The following NUTM2B variants were observed in gnomAD, a reference collection of about 807,000 sequenced individuals.
NUTM2B encodes family with sequence similarity 22, member B.
Under a neutral mutation model 42.4 loss-of-function variants are expected in NUTM2B, and 2 were observed. The observed-to-expected ratio is 0.05, with a 90% confidence interval of 0.02 to 0.15. The LOEUF is 0.15. Among genes scored for constraint, NUTM2B ranks in the 10% least tolerant of loss-of-function variants. The pLI, the probability that NUTM2B is intolerant of heterozygous loss-of-function variation, is 1.00. For missense variants in NUTM2B, 58 were observed against 952.6 expected (o/e 0.06, Z 12.36); for synonymous variants, 18 against 402.4 (o/e 0.04, Z 11.43).
At chr10:79,702,448 G>A (rs1440601408), upstream of NUTM2B, among the ~76,000 whole-genome samples, 2 of 150,876 alleles carry the variant, frequency 1.3e-5, no homozygotes, top group Admixed American at 1.3e-4. Flanking sequence ...TGGGGCAGTG[G>A]GGGAGAACCC....
chr10:79,700,634 C>T (rs1840298308), upstream of NUTM2B, among the ~76,000 whole-genome samples: 1 of 152,084 alleles, frequency 6.6e-6, no homozygotes, highest in Non-Finnish European at 1.5e-5. Context: ...TTCTGATCAC[C>T]CTTGGCTTTA....
At chr10:79,705,164 C>T (rs1840365263) in intron 1 of NUTM2B, among the ~76,000 whole-genome samples, 1 of 124,630 alleles carries the variant, frequency 8.0e-6, no homozygotes, top group African/African-American at 3.1e-5. Flanking sequence ...CCTTGTCCCA[C>T]TACCTATTGT....
chr10:79,702,020 T>C, upstream of NUTM2B, among the ~76,000 whole-genome samples: 1 of 148,802 alleles, frequency 6.7e-6, no homozygotes, highest in African/African-American at 2.5e-5. Context: ...TATCTGAGTA[T>C]GATATTTTGC....
At chr10:79,693,382 C>CAGA in the NUTM2B span, among the ~76,000 whole-genome samples, 1 of 152,218 alleles carries the variant, frequency 6.6e-6, no homozygotes, top group Non-Finnish European at 1.5e-5. Flanking sequence ...TCCTGGGAAA[C>CAGA]AGAACAGTCA....
chr10:79,701,521 C>T (rs570058187), upstream of NUTM2B, among the ~76,000 whole-genome samples: 23 of 152,106 alleles, frequency 1.5e-4, no homozygotes, highest in South Asian at 2.1e-4. Flanking sequence ...TCTGTCTCCA[C>T]GTGATAACAC....
chr10:79,706,272 G>T (rs1454909093), exon 2 of NUTM2B: 1 of 1,610,130 alleles, frequency 6.2e-7, no homozygotes, highest in Non-Finnish European at 8.5e-7. Context: ...CAACGTCTTT[G>T]TCCAGATGAG....
chr10:79,692,384 G>A, the NUTM2B span, among the ~76,000 whole-genome samples: 1 of 152,162 alleles, frequency 6.6e-6, no homozygotes, highest in African/African-American at 2.4e-5. Flanking sequence ...CTGAGGCTCA[G>A]AGAGGTTAAA....
At chr10:79,694,491 A>G in the NUTM2B span, among the ~76,000 whole-genome samples, 1 of 152,084 alleles carries the variant, frequency 6.6e-6, no homozygotes, top group East Asian at 1.9e-4. Context: ...GAGCCTTTGG[A>G]AAGAACCCAT....
upstream of NUTM2B, among the ~76,000 whole-genome samples, chr10:79,700,673 T>C (rs1314649235): frequency 6.6e-6 from 1 of 152,068 alleles, no homozygotes; most frequent in Non-Finnish European, 1.5e-5. Context: ...AAGGACGCCA[T>C]GAGAGCGAAG....
At chr10:79,695,473 G>A in the NUTM2B span, among the ~76,000 whole-genome samples, 4 of 152,130 alleles carry the variant, frequency 2.6e-5, no homozygotes, top group African/African-American at 4.8e-5. Flanking sequence ...TCTCAACACT[G>A]GGTACCTGCT....
At chr10:79,712,303 A>G (rs1427451112) in exon 7 of NUTM2B, 1 of 1,565,950 alleles carries the variant, frequency 6.4e-7, no homozygotes. Context: ...CAACAAGGCC[A>G]AGAAGCGACC....
At chr10:79,694,509 G>A in the NUTM2B span, among the ~76,000 whole-genome samples, 1 of 152,122 alleles carries the variant, frequency 6.6e-6, no homozygotes, top group Non-Finnish European at 1.5e-5. Context: ...CATCGACAGG[G>A]TTCTCAGAAA....
upstream of NUTM2B, among the ~76,000 whole-genome samples, chr10:79,701,042 C>T (rs539399961): frequency 6.6e-6 from 1 of 152,332 alleles, no homozygotes; most frequent in South Asian, 2.1e-4. Context: ...GAAAGGTTTA[C>T]CTTTGGAGGG....
intron 1 of NUTM2B, among the ~76,000 whole-genome samples, chr10:79,705,555 G>A (rs2132245306): frequency 1.3e-5 from 2 of 151,274 alleles, no homozygotes; most frequent in East Asian, 2.0e-4. Flanking sequence ...GAAAGAAAGG[G>A]GTTTACAAGA....
upstream of NUTM2B, among the ~76,000 whole-genome samples, chr10:79,699,871 T>C (rs1840280677): frequency 6.6e-6 from 1 of 152,232 alleles, no homozygotes; most frequent in African/African-American, 2.4e-5. Flanking sequence ...TAAACATATT[T>C]TCACATACAC....
chr10:79,709,202 G>A (rs1328203303), intron 3 of NUTM2B, among the ~76,000 whole-genome samples: 2 of 121,588 alleles, frequency 1.6e-5, no homozygotes, highest in Non-Finnish European at 3.3e-5. Context: ...GCCAGAAGTC[G>A]GTTTTCTCCC....
upstream of NUTM2B, among the ~76,000 whole-genome samples, chr10:79,699,963 A>G (rs1351022224): frequency 6.6e-6 from 1 of 152,238 alleles, no homozygotes; most frequent in Non-Finnish European, 1.5e-5. Context: ...TAACCCAACC[A>G]CCCAAGATAA....
At chr10:79,705,793 G>A (rs1427464469) in intron 1 of NUTM2B, among the ~76,000 whole-genome samples, 2 of 149,016 alleles carry the variant, frequency 1.3e-5, no homozygotes, top group African/African-American at 2.5e-5. Context: ...GGAGACGCTC[G>A]GGCAGCAAAG....
At chr10:79,700,672 A>G (rs1840298973), upstream of NUTM2B, among the ~76,000 whole-genome samples, 1 of 152,078 alleles carries the variant, frequency 6.6e-6, no homozygotes, top group Non-Finnish European at 1.5e-5. Flanking sequence ...GAAGGACGCC[A>G]TGAGAGCGAA....
Sources: gnomAD v4.1 joint callset for allele counts (sites outside exome capture counted in the v4.1 genomes callset) on GRCh38, gnomAD v4.1.1 for gene constraint, MANE v1.5 for transcripts, NCBI Gene and HGNC (gene_info 2026-07-23, HGNC 2026-07-21) for gene names.